Variants in FOXP1 observed in about 807,000 individuals in gnomAD.
FOXP1 encodes the protein forkhead box protein P1.
A neutral mutation model predicts 98.2 loss-of-function variants in FOXP1; 15 were observed. The observed-to-expected ratio is 0.15, with a 90% CI of 0.10 to 0.24. FOXP1 has a LOEUF of 0.24. Ranked by LOEUF, FOXP1 falls within the 10% of genes least tolerant of loss-of-function variation. The pLI is 1.00. For missense variants in FOXP1, 633 were observed against 848.5 expected, an observed-to-expected ratio of 0.75 and a Z score of 3.15; for synonymous variants, 371 against 314.5, an observed-to-expected ratio of 1.18 and a Z score of -1.90.
chr3:70,982,496 A>G (rs2107413966), intron 14 of FOXP1, among the ~76,000 whole-genome samples: 2 of 152,342 alleles, frequency 1.3e-5, no homozygotes, highest in East Asian at 3.9e-4. Flanking sequence ...TATTTTCTAC[A>G]TGGCAAGTTT....
intron 6 of FOXP1, among the ~76,000 whole-genome samples, chr3:71,132,900 T>G (rs2059641018): frequency 6.6e-6 from 1 of 151,912 alleles, no homozygotes; most frequent in Non-Finnish European, 1.5e-5. Context: ...TATATAGCTA[T>G]CAGATGTGCT....
At chr3:71,122,984 C>T (rs144990916) in intron 6 of FOXP1, among the ~76,000 whole-genome samples, 110 of 152,192 alleles carry the variant, frequency 7.2e-4, no homozygotes, top group Admixed American at 6.5e-3. Context: ...CTCAGTGTCA[C>T]ACCTTCTAAC....
intron 6 of FOXP1, among the ~76,000 whole-genome samples, chr3:71,115,673 G>A (rs1340829978): frequency 6.6e-6 from 1 of 150,772 alleles, no homozygotes; most frequent in Non-Finnish European, 1.5e-5. Context: ...AGCAGCTATA[G>A]TCAACTCCTC....
intron 5 of FOXP1, among the ~76,000 whole-genome samples, chr3:71,239,921 T>G (rs963821963): frequency 3.3e-5 from 5 of 152,192 alleles, no homozygotes; most frequent in Non-Finnish European, 7.3e-5. Flanking sequence ...CCAGGAAATT[T>G]CTGCCTGTCA....
At chr3:71,280,324 T>TTTA (rs3033221) in intron 5 of FOXP1, among the ~76,000 whole-genome samples, 10 of 151,374 alleles carry the variant, frequency 6.6e-5, no homozygotes, top group Admixed American at 4.6e-4. Context: ...ACAATATCTT[T>TTTA]TTTTTTTATT....
chr3:71,128,375 T>C (rs1031624303), intron 6 of FOXP1, among the ~76,000 whole-genome samples: 3 of 151,978 alleles, frequency 2.0e-5, no homozygotes, highest in African/African-American at 7.3e-5. Flanking sequence ...CCTTGGCCTC[T>C]GGAGGAATCA....
intron 4 of FOXP1, among the ~76,000 whole-genome samples, chr3:71,328,111 T>C (rs2076031959): frequency 1.3e-5 from 2 of 152,120 alleles, no homozygotes; most frequent in South Asian, 4.1e-4. Context: ...AGACTGGGTG[T>C]AAACATGTTT....
At chr3:71,531,300 C>T (rs530164148) in intron 2 of FOXP1, among the ~76,000 whole-genome samples, 12 of 152,304 alleles carry the variant, frequency 7.9e-5, no homozygotes, top group Admixed American at 3.9e-4. Flanking sequence ...AAGGGGCCTG[C>T]CATTTCCACT....
chr3:71,311,845 A>C (rs2074707094), intron 4 of FOXP1, among the ~76,000 whole-genome samples: 2 of 152,058 alleles, frequency 1.3e-5, no homozygotes, highest in Admixed American at 1.3e-4. Flanking sequence ...TTTTCCTGGC[A>C]CCTTTCCATC....
intron 2 of FOXP1, among the ~76,000 whole-genome samples, chr3:71,508,133 A>G (rs1269533821): frequency 6.6e-6 from 1 of 152,220 alleles, no homozygotes; most frequent in Non-Finnish European, 1.5e-5. Context: ...ACTTATTAGT[A>G]TATTTATGGC....
intron 2 of FOXP1, among the ~76,000 whole-genome samples, chr3:71,527,370 C>G (rs1560609251): frequency 6.6e-6 from 1 of 152,232 alleles, no homozygotes; most frequent in Non-Finnish European, 1.5e-5. Flanking sequence ...GATGCTCACT[C>G]TCTCACCCAG....
At chr3:71,521,875 A>G (rs1317589498) in intron 2 of FOXP1, among the ~76,000 whole-genome samples, 1 of 152,132 alleles carries the variant, frequency 6.6e-6, no homozygotes. Flanking sequence ...GCTCATGGAA[A>G]GGCGCATTGG....
chr3:70,973,964 T>A (rs2036952606), intron 17 of FOXP1, among the ~76,000 whole-genome samples: 1 of 151,962 alleles, frequency 6.6e-6, no homozygotes, highest in African/African-American at 2.4e-5. Context: ...TCACAATTGG[T>A]GGCTGTGAGG....
chr3:71,434,271 G>C (rs1476680205), intron 3 of FOXP1, among the ~76,000 whole-genome samples: 1 of 151,648 alleles, frequency 6.6e-6, no homozygotes, highest in Non-Finnish European at 1.5e-5. Flanking sequence ...CTGGATCCTA[G>C]AGCCCCCCCG....
At chr3:71,398,591 G>A (rs2081723862) in intron 3 of FOXP1, among the ~76,000 whole-genome samples, 1 of 152,090 alleles carries the variant, frequency 6.6e-6, no homozygotes, top group Non-Finnish European at 1.5e-5. Context: ...CTCACACCAA[G>A]AACCACGGGC....
At chr3:70,995,830 G>A (rs908253637) in intron 13 of FOXP1, among the ~76,000 whole-genome samples, 5 of 152,114 alleles carry the variant, frequency 3.3e-5, no homozygotes, top group Non-Finnish European at 7.4e-5. Context: ...CTGTTAACAA[G>A]CTCTACATAA....
At chr3:71,313,719 G>T (rs1010657010) in intron 4 of FOXP1, among the ~76,000 whole-genome samples, 1 of 151,488 alleles carries the variant, frequency 6.6e-6, no homozygotes, top group African/African-American at 2.4e-5. Context: ...TAGAGACGGG[G>T]TTTCACCGTG....
intron 10 of FOXP1, among the ~76,000 whole-genome samples, chr3:71,041,734 C>G (rs1226367082): frequency 6.6e-6 from 1 of 151,934 alleles, no homozygotes; most frequent in Non-Finnish European, 1.5e-5. Flanking sequence ...TGGAAGTTGC[C>G]CTCATCGCAC....
At chr3:71,572,714 G>C (rs897618236) in intron 2 of FOXP1, 5 of 152,322 alleles carry the variant, frequency 3.3e-5, no homozygotes, top group Admixed American at 2.0e-4. Context: ...ACAGAGGTAA[G>C]ATGAGGATGG....
Sources: gnomAD v4.1 joint callset for allele counts (sites outside exome capture counted in the v4.1 genomes callset) on GRCh38, gnomAD v4.1.1 for gene constraint, MANE v1.5 for transcripts, NCBI Gene and HGNC (gene_info 2026-07-23, HGNC 2026-07-21) for gene names.